TTBK2: variants seen among roughly 807,000 people sequenced by gnomAD.
The protein encoded by TTBK2 is tau tubulin kinase 2, also known as tau-tubulin kinase 2.
A neutral mutation model predicts 110.8 loss-of-function variants in TTBK2; 28 were observed. The ratio of observed to expected loss-of-function variants is 0.25; its 90% CI spans 0.19 to 0.35. The LOEUF (loss-of-function observed/expected upper bound fraction) is 0.35, where lower values mean the gene tolerates loss of function less well. Ranked by LOEUF, TTBK2 falls within the 10% of genes least tolerant of loss-of-function variation. The probability of loss-of-function intolerance (pLI) is 1.00; values close to 1 mark genes in which losing one functional copy is unlikely to be tolerated. For missense variants in TTBK2, 1,369 were observed against 1,500.3 expected, an observed-to-expected ratio of 0.91 and a Z score of 1.45; for synonymous variants, 532 against 527.3, an observed-to-expected ratio of 1.01 and a Z score of -0.12.
intron 1 of TTBK2, among the ~76,000 whole-genome samples, chr15:42,885,561 T>A (rs1246597115): frequency 6.6e-6 from 1 of 152,232 alleles, no homozygotes. Flanking sequence ...CCTGCCTGAT[T>A]ATTCACCCAC....
At chr15:42,893,904 C>T (rs1379583814) in intron 1 of TTBK2, among the ~76,000 whole-genome samples, 1 of 152,162 alleles carries the variant, frequency 6.6e-6, no homozygotes, top group African/African-American at 2.4e-5. Context: ...CCACAATTCA[C>T]CCAAGGTGAA....
chr15:42,914,955 T>C (rs900969695), intron 1 of TTBK2, among the ~76,000 whole-genome samples: 6 of 152,318 alleles, frequency 3.9e-5, no homozygotes, highest in African/African-American at 1.4e-4. Context: ...ATTTGTAAGC[T>C]CCAAAAGTGA....
intron 13 of TTBK2, among the ~76,000 whole-genome samples, chr15:42,761,526 A>G (rs2062026161): frequency 6.6e-6 from 1 of 151,842 alleles, no homozygotes; most frequent in Admixed American, 6.6e-5. Context: ...TCTACAAACT[A>G]TTCATCTAAC....
chr15:42,893,586 GACAA>G (rs1401914299), intron 1 of TTBK2, among the ~76,000 whole-genome samples: 1 of 150,166 alleles, frequency 6.7e-6, no homozygotes, highest in Non-Finnish European at 1.5e-5. Flanking sequence ...AGGGGGAAAA[GACAA>G]ACAAACTAAA....
At chr15:42,834,758 T>C (rs1314858398) in intron 4 of TTBK2, among the ~76,000 whole-genome samples, 2 of 152,172 alleles carry the variant, frequency 1.3e-5, no homozygotes, top group African/African-American at 2.4e-5. Flanking sequence ...GAGCCTGTAA[T>C]CCTAGCTACT....
At chr15:42,910,750 G>C (rs1248234075) in intron 1 of TTBK2, among the ~76,000 whole-genome samples, 1 of 152,026 alleles carries the variant, frequency 6.6e-6, no homozygotes. Context: ...GGATGTAAAA[G>C]GTAAAAAAAT....
At chr15:42,765,347 T>C (rs558079249) in intron 13 of TTBK2, among the ~76,000 whole-genome samples, 2 of 152,214 alleles carry the variant, frequency 1.3e-5, no homozygotes, top group African/African-American at 4.8e-5. Flanking sequence ...TTGAACCCAT[T>C]GCAAGGAAGC....
intron 3 of TTBK2, among the ~76,000 whole-genome samples, chr15:42,854,542 G>A (rs1426442780): frequency 6.6e-6 from 1 of 151,930 alleles, no homozygotes; most frequent in Non-Finnish European, 1.5e-5. Flanking sequence ...TTTGCTTAAA[G>A]TTGCAGTTTC....
At chr15:42,888,690 T>C (rs569162002) in intron 1 of TTBK2, among the ~76,000 whole-genome samples, 15 of 152,250 alleles carry the variant, frequency 9.9e-5, no homozygotes, top group Non-Finnish European at 1.8e-4. Context: ...AAAAGTTTCC[T>C]CACTACACAA....
At chr15:42,770,514 G>A (rs752371790) in intron 13 of TTBK2, among the ~76,000 whole-genome samples, 12 of 152,166 alleles carry the variant, frequency 7.9e-5, no homozygotes, top group Admixed American at 7.9e-4. Context: ...ATTCCAGTCT[G>A]TACTCAAGCA....
intron 4 of TTBK2, 98 bp from the exon 5 acceptor site, chr15:42,830,176 G>T: frequency 6.9e-7 from 1 of 1,456,444 alleles, no homozygotes; most frequent in Non-Finnish European, 9.3e-7. Flanking sequence ...GATGTTTTCA[G>T]CAAAATAGCA....
At chr15:42,787,638 T>C (rs1177250028) in intron 10 of TTBK2, among the ~76,000 whole-genome samples, 1 of 152,212 alleles carries the variant, frequency 6.6e-6, no homozygotes, top group Admixed American at 6.5e-5. Flanking sequence ...GTAACCAAAT[T>C]GTCAACATAA....
At position 42,741,773 on chromosome 15, in the gene TTBK2, G is replaced by C. The variant is rs1339981164; in HGVS notation, c.*4022C>G. The C allele has an allele frequency of 6.6e-6, 1 of 152,000 alleles. No individual in the cohort carries two copies. The highest frequency in any genetic ancestry group is 1.5e-5 in the Non-Finnish European group (1 of 68,008). The allele number at this position is 152,000 out of a possible 1,614,324, so 9.4% of individuals were successfully genotyped here. A position where few individuals can be genotyped will look rare whatever the true frequency, so the allele number is the denominator to read the frequency against. ...AATAAGTAAATTTTCAAACAGCCAGGGGAAAATGCATTTTTTTCACCGAGT... is the reference window on the plus strand; with the variant it reads ...AATAAGTAAATTTTCAAACAGCCAGCGGAAAATGCATTTTTTTCACCGAGT... On this transcript the variant is annotated 3_prime_UTR_variant, in exon 15 of 15. Coordinates refer to ENST00000267890, the MANE Select transcript of TTBK2 (RefSeq NM_173500.4).
At chr15:42,765,872 G>A (rs1889342269) in intron 13 of TTBK2, among the ~76,000 whole-genome samples, 1 of 152,120 alleles carries the variant, frequency 6.6e-6, no homozygotes, top group South Asian at 2.1e-4. Flanking sequence ...CAGAGAGAAA[G>A]GGCCAGGTTA....
chr15:42,772,771 A>T (rs771567820), intron 13 of TTBK2, among the ~76,000 whole-genome samples: 2 of 152,050 alleles, frequency 1.3e-5, no homozygotes, highest in Non-Finnish European at 2.9e-5. Flanking sequence ...ATACAGTGGG[A>T]CCCCGTCTTG....
At chr15:42,820,649 T>A (rs1427929719) in intron 6 of TTBK2, among the ~76,000 whole-genome samples, 5 of 151,920 alleles carry the variant, frequency 3.3e-5, no homozygotes, top group Non-Finnish European at 5.9e-5. Flanking sequence ...TAGGAGACAC[T>A]GATTAAATAA....
chr15:42,766,446 C>CAAAAAAAAAAAAAAAAAAAAAAAAAA (rs567972612), intron 13 of TTBK2, among the ~76,000 whole-genome samples: 2 of 30,858 alleles, frequency 6.5e-5, no homozygotes, highest in Non-Finnish European at 1.0e-4. Context: ...GAATGGAAAG[C>CAAAAAAAAAAAAAAAAAAAAAAAAAA]AAAAAAAAAA....
At chr15:42,909,946 AG>A (rs1412317103) in intron 1 of TTBK2, among the ~76,000 whole-genome samples, 1 of 152,320 alleles carries the variant, frequency 6.6e-6, no homozygotes, top group East Asian at 1.9e-4. Context: ...ACTTGAGCCC[AG>A]AAGTTTGAGA....
At chr15:42,872,585 A>C (rs780196341) in intron 3 of TTBK2, 26 bp downstream of exon 3, 49 of 1,611,394 alleles carry the variant, frequency 3.0e-5, no homozygotes, top group Non-Finnish European at 4.1e-5. Context: ...ACAAATCATA[A>C]ATTGTATATT....
Sources: gnomAD v4.1 joint callset for allele counts (sites outside exome capture counted in the v4.1 genomes callset) on GRCh38, gnomAD v4.1.1 for gene constraint, MANE v1.5 for transcripts, NCBI Gene and HGNC (gene_info 2026-07-23, HGNC 2026-07-21) for gene names.